EDIL3: variants seen among roughly 807,000 people sequenced by gnomAD.
The protein encoded by EDIL3 is EGF like and discoidin domains 3.
In EDIL3, 37 loss-of-function variants were observed where a neutral mutation model predicts 67.4. The observed-to-expected ratio is 0.55, with a 90% CI of 0.42 to 0.72. The LOEUF is 0.72. Ranked by LOEUF, EDIL3 falls within the 30% of genes least tolerant of loss-of-function variation. The probability of loss-of-function intolerance (pLI) is 0.00; values close to 1 mark genes in which losing one functional copy is unlikely to be tolerated. For synonymous variants in EDIL3, 195 were observed against 196.3 expected (o/e 0.99, Z 0.05); for missense variants, 527 against 586.3 (o/e 0.90, Z 1.04).
At chr5:84,303,808 C>G (rs200690159) in intron 1 of EDIL3, among the ~76,000 whole-genome samples, 2,720 of 135,398 alleles carry the variant, frequency 0.02, 59 homozygotes, top group African/African-American at 0.052. Flanking sequence ...CTCTCTCTCT[C>G]TGTGTGTGTG....
intron 5 of EDIL3, among the ~76,000 whole-genome samples, chr5:84,133,449 T>C: frequency 8.4e-6 from 1 of 119,372 alleles, no homozygotes; most frequent in Admixed American, 1.0e-4. Context: ...TGAAACCCCA[T>C]CTCTACTAAA....
At chr5:84,164,237 C>T (rs1233187344) in intron 4 of EDIL3, among the ~76,000 whole-genome samples, 3 of 151,900 alleles carry the variant, frequency 2.0e-5, no homozygotes, top group African/African-American at 4.8e-5. Context: ...AGAATAGGAA[C>T]GTAGACTAGG....
At chr5:84,069,980 C>T (rs2112244620) in intron 6 of EDIL3, among the ~76,000 whole-genome samples, 1 of 152,090 alleles carries the variant, frequency 6.6e-6, no homozygotes, top group East Asian at 1.9e-4. Flanking sequence ...CCGACAGGCA[C>T]CGGTAGACGC....
At chr5:84,244,910 G>A (rs1744876313) in intron 2 of EDIL3, among the ~76,000 whole-genome samples, 1 of 152,196 alleles carries the variant, frequency 6.6e-6, no homozygotes, top group Non-Finnish European at 1.5e-5. Context: ...ATTGTGAACT[G>A]CATATGCAAG....
chr5:83,997,919 C>T (rs901700431), intron 9 of EDIL3, among the ~76,000 whole-genome samples: 2 of 152,116 alleles, frequency 1.3e-5, no homozygotes, highest in South Asian at 2.1e-4. Context: ...TCAGCCTGCG[C>T]CCATGGAGGA....
At chr5:84,165,898 C>G (rs1237415927) in intron 4 of EDIL3, among the ~76,000 whole-genome samples, 1 of 152,068 alleles carries the variant, frequency 6.6e-6, no homozygotes, top group African/African-American at 2.4e-5. Flanking sequence ...TGCAACAGAA[C>G]CCTGCATTAA....
At chr5:84,262,659 G>T (rs200153593) in intron 1 of EDIL3, among the ~76,000 whole-genome samples, 17 of 46,318 alleles carry the variant, frequency 3.7e-4, no homozygotes, top group South Asian at 3.0e-3. Flanking sequence ...AGGTTGGTTG[G>T]TTTTTTTTTT....
intron 1 of EDIL3, among the ~76,000 whole-genome samples, chr5:84,277,582 C>G (rs980660975): frequency 6.6e-6 from 1 of 152,150 alleles, no homozygotes; most frequent in Non-Finnish European, 1.5e-5. Context: ...ATACTGTTTA[C>G]TGCCTAACAT....
intron 9 of EDIL3, among the ~76,000 whole-genome samples, chr5:83,975,416 A>C (rs180813933): frequency 6.6e-6 from 1 of 152,090 alleles, no homozygotes; most frequent in African/African-American, 2.4e-5. Flanking sequence ...CACTTGAAAC[A>C]AACTCATTAT....
At chr5:84,320,525 G>A (rs530896865) in intron 1 of EDIL3, among the ~76,000 whole-genome samples, 1 of 152,068 alleles carries the variant, frequency 6.6e-6, no homozygotes, top group East Asian at 1.9e-4. Context: ...CTGGTCAGCA[G>A]GCCTCATTGA....
intron 9 of EDIL3, among the ~76,000 whole-genome samples, chr5:84,051,621 G>C (rs1746340709): frequency 6.6e-6 from 1 of 152,228 alleles, no homozygotes; most frequent in African/African-American, 2.4e-5. Context: ...TAAAGGACCT[G>C]ATGGAGCTGA....
Position 84,353,401 on chromosome 5 carries a change from C to T in EDIL3, c.67+30907G>A, listed in dbSNP as rs183852857. Among the ~76,000 whole-genome samples the T allele has an allele frequency of 3.6e-4, 55 of 152,256 alleles. 1 individual carries two copies. The highest frequency in any genetic ancestry group is 3.4e-3 in the Middle Eastern group (1 of 294). ...GTAACTTAAACTCACAACATTGTGA[C>T]ATTCTCATCTGTAAAATGGGGTATG... On this transcript the variant is annotated intron_variant, in intron 1 of 10. Transcript: ENST00000296591.
chr5:84,198,606 C>T (rs1273192302), intron 3 of EDIL3, among the ~76,000 whole-genome samples: 1 of 152,048 alleles, frequency 6.6e-6, no homozygotes, highest in African/African-American at 2.4e-5. Flanking sequence ...GTTATCGATG[C>T]CTTGTTTGTC....
At chr5:84,224,105 G>A (rs1012321276) in intron 3 of EDIL3, among the ~76,000 whole-genome samples, 3 of 151,290 alleles carry the variant, frequency 2.0e-5, no homozygotes, top group African/African-American at 7.3e-5. Context: ...TATATTTGAG[G>A]TGATATGAAC....
chr5:84,264,184 T>G (rs1324319763), intron 1 of EDIL3, among the ~76,000 whole-genome samples: 1 of 152,150 alleles, frequency 6.6e-6, no homozygotes, highest in Non-Finnish European at 1.5e-5. Flanking sequence ...AGGTGGAGGT[T>G]GCAGCGAGCC....
chr5:84,119,975 G>A (rs757892053), intron 5 of EDIL3, among the ~76,000 whole-genome samples: 8 of 151,792 alleles, frequency 5.3e-5, no homozygotes, highest in Non-Finnish European at 1.2e-4. Flanking sequence ...AGGACATAAA[G>A]GGGATGTCTT....
chr5:84,206,560 T>A (rs902567935), intron 3 of EDIL3, among the ~76,000 whole-genome samples: 4 of 152,068 alleles, frequency 2.6e-5, no homozygotes, highest in African/African-American at 7.2e-5. Context: ...GCCAGCATCA[T>A]CCTGATACCA....
intron 9 of EDIL3, among the ~76,000 whole-genome samples, chr5:84,059,340 CA>C (rs1260588262): frequency 6.6e-6 from 1 of 152,046 alleles, no homozygotes; most frequent in Non-Finnish European, 1.5e-5. Context: ...GAATTTAAGG[CA>C]ACAGTGAGCT....
rs146713166 is a variant in EDIL3, at chr5:84,259,390, A to G, written c.68-5178T>C. Among the ~76,000 whole-genome samples the G allele has an allele frequency of 4.8e-3, 732 of 152,292 alleles. 27 individuals are homozygous for G. Among genetic ancestry groups the G allele is most frequent in the Admixed American group, 0.042 (644 of 15,298 alleles). On this transcript the variant is annotated intron_variant, in intron 1 of 10. Coordinates refer to ENST00000296591, the MANE Select transcript of EDIL3 (RefSeq NM_005711.5). ...AGGCTCCTAAAATATACTTCTGCAT[A>G]TTGTAATGTGTGTAGCATTATACTT...
Sources: gnomAD v4.1 joint callset for allele counts (sites outside exome capture counted in the v4.1 genomes callset) on GRCh38, gnomAD v4.1.1 for gene constraint, MANE v1.5 for transcripts, NCBI Gene and HGNC (gene_info 2026-07-23, HGNC 2026-07-21) for gene names.